ENOX2: variants seen among roughly 807,000 people sequenced by gnomAD.
The protein encoded by ENOX2 is ecto-NOX disulfide-thiol exchanger 2, also known as APK1 antigen.
Under a neutral mutation model 45.0 loss-of-function variants are expected in ENOX2, and 36 were observed. The observed-to-expected ratio is 0.80, with a 90% CI of 0.61 to 1.06. The LOEUF is 1.06. Ranked by LOEUF, ENOX2 falls within the 50% of genes least tolerant of loss-of-function variation. The pLI, the probability that ENOX2 is intolerant of heterozygous loss-of-function variation, is 0.00. For synonymous variants in ENOX2, 174 were observed against 152.3 expected (o/e 1.14, Z -1.05); for missense variants, 423 against 462.5 (o/e 0.91, Z 0.78).
Position 130,623,846 on chromosome X carries a change from G to A in ENOX2, c.*1468C>T, listed in dbSNP as rs946051225. The A allele has an allele frequency of 8.9e-6, 1 of 111,823 alleles. No homozygotes were observed. Among genetic ancestry groups the A allele is most frequent in the Non-Finnish European group, 1.9e-5 (1 of 53,189 alleles). 9.2% of individuals were successfully genotyped at this position (111,823 alleles called of 1,213,427 possible). On this transcript the variant is annotated 3_prime_UTR_variant, in exon 15 of 15. Transcript: ENST00000394363. ...CTAGTAACCCAAAGGAAGGAACTGA[G>A]ATAACTACTAATGGATTACTTAGAG... is the stretch of plus-strand genomic sequence containing the variant.
intron 3 of ENOX2, among the ~76,000 whole-genome samples, chrX:130,745,534 T>A (rs956907974): frequency 3.6e-5 from 4 of 112,127 alleles, no homozygotes; most frequent in African/African-American, 1.3e-4. Context: ...ATCAGAACAA[T>A]GTGTTTGAAG....
chrX:130,669,783 T>A (rs1294681205), intron 7 of ENOX2, among the ~76,000 whole-genome samples, 182 bp downstream of exon 7: 1 of 112,046 alleles, frequency 8.9e-6, no homozygotes, highest in African/African-American at 3.2e-5. Flanking sequence ...GTAGTAGGGA[T>A]AAATTTCCTG....
chrX:130,708,308 G>C (rs912321717), intron 3 of ENOX2, among the ~76,000 whole-genome samples: 2 of 111,561 alleles, frequency 1.8e-5, no homozygotes, highest in African/African-American at 6.5e-5. Flanking sequence ...CCAGCCCTCG[G>C]GGGGTTCAAA....
intron 2 of ENOX2, among the ~76,000 whole-genome samples, chrX:130,806,489 A>AT (rs2077302743): frequency 8.9e-6 from 1 of 112,546 alleles, no homozygotes; most frequent in Non-Finnish European, 1.9e-5. Flanking sequence ...ACAATGCATC[A>AT]TAAGAATTTA....
At chrX:130,653,869 G>A (rs1481226506) in intron 10 of ENOX2, among the ~76,000 whole-genome samples, 1 of 111,941 alleles carries the variant, frequency 8.9e-6, no homozygotes, top group African/African-American at 3.2e-5. Context: ...CAATGAAGGA[G>A]AATTAGTCTA....
At chrX:130,696,960 G>A (rs1001392842) in intron 4 of ENOX2, among the ~76,000 whole-genome samples, 1 of 111,072 alleles carries the variant, frequency 9.0e-6, no homozygotes, top group African/African-American at 3.3e-5. Flanking sequence ...TTCCCTACCT[G>A]GTCTTTGTCT....
chrX:130,736,376 T>A (rs1166775073), intron 3 of ENOX2, among the ~76,000 whole-genome samples: 1 of 110,885 alleles, frequency 9.0e-6, no homozygotes, highest in Non-Finnish European at 1.9e-5. Flanking sequence ...AAAAATGCTA[T>A]GGGATTGTGG....
chrX:130,875,843 C>A (rs1002470108), intron 2 of ENOX2, among the ~76,000 whole-genome samples: 5 of 111,689 alleles, frequency 4.5e-5, no homozygotes. Context: ...ATGATATAAT[C>A]ATAAAAGTGA....
rs12388740 is a variant in ENOX2 at position 130,654,571 on chromosome X, C to T, written c.1129+2010G>A. 9.3e-3 allele frequency among the ~76,000 whole-genome samples: 1,037 copies of T among 111,785 alleles called. 12 individuals carry two copies. The highest frequency in any genetic ancestry group is 0.03 in the African/African-American group (919 of 30,834). ...GACCTTTTCACTGGCTCACAATGAG[C>T]GGGATTTCTGCAGTTGAGTACTACA... On this transcript the variant is annotated intron_variant, in intron 10 of 14. Transcript: ENST00000394363.
Position 130,844,314 on chromosome X carries a change from C to T in ENOX2, c.-183+57370G>A, listed in dbSNP as rs2078061852. ...CCCCTTGCCTGTCATCCAGATGGCA[C>T]TGTGATGATCTGGTTGAGGCATTTG... On this transcript the variant is annotated intron_variant, in intron 2 of 14. Coordinates refer to ENST00000394363, the MANE Select transcript of ENOX2 (RefSeq NM_006375.4). Among the ~76,000 whole-genome samples the T allele has an allele frequency of 5.4e-5, 6 of 111,720 alleles. No individual in the cohort carries two copies. In the Admixed American group the frequency reaches 5.7e-4, roughly 11 times the overall value.
chrX:130,682,583 C>CAAAAAAAAAAAAAAAAAAAAA (rs55875735), intron 5 of ENOX2, among the ~76,000 whole-genome samples: 1 of 14,659 alleles, frequency 6.8e-5, no homozygotes, highest in African/African-American at 2.0e-4. Context: ...GACTCCGTCT[C>CAAAAAAAAAAAAAAAAAAAAA]AAAAAAAAAA....
chrX:130,819,884 G>GA lies in ENOX2; in HGVS notation c.-182-36195dup, dbSNP rs776906381. ...AATTAAAAAAGAAAAACAAAACAAA[G>GA]AAAAAAGGCACCATGACATTGGTCT... On this transcript the variant is annotated intron_variant, in intron 2 of 14. Transcript: ENST00000394363. Among the ~76,000 whole-genome samples, 6 of 111,328 alleles carry GA rather than the reference G, an allele frequency of 5.4e-5. No individual in the cohort carries two copies. In the South Asian group the frequency reaches 2.3e-3, roughly 43 times the overall value.
At chrX:130,897,806 T>C (rs778371716) in intron 2 of ENOX2, among the ~76,000 whole-genome samples, 1 of 111,653 alleles carries the variant, frequency 9.0e-6, no homozygotes, top group East Asian at 2.8e-4. Context: ...TGGACAGCCT[T>C]TGAACTATTT....
At chrX:130,821,595 G>A (rs1351820963) in intron 2 of ENOX2, among the ~76,000 whole-genome samples, 1 of 85,306 alleles carries the variant, frequency 1.2e-5, no homozygotes, top group East Asian at 3.7e-4. Context: ...AATGCTAGAT[G>A]ACGAGTTAGT....
chrX:130,757,751 T>G (rs1306127873), intron 3 of ENOX2, among the ~76,000 whole-genome samples: 1 of 110,598 alleles, frequency 9.0e-6, no homozygotes, highest in Non-Finnish European at 1.9e-5. Flanking sequence ...TTTTTTTTTG[T>G]AAGACAGGGT....
At chrX:130,691,988 T>C (rs1300208900) in intron 4 of ENOX2, among the ~76,000 whole-genome samples, 2 of 113,453 alleles carry the variant, frequency 1.8e-5, no homozygotes, top group African/African-American at 6.4e-5. Context: ...AACGTATTCA[T>C]TGCATATGGC....
intron 2 of ENOX2, among the ~76,000 whole-genome samples, chrX:130,860,164 C>T (rs1464491357): frequency 1.8e-5 from 2 of 110,963 alleles, no homozygotes; most frequent in East Asian, 2.8e-4. Flanking sequence ...GCCATGTTGG[C>T]CAGGCTGCTC....
intron 3 of ENOX2, among the ~76,000 whole-genome samples, chrX:130,779,780 G>A (rs1440087394): frequency 1.8e-5 from 2 of 112,028 alleles, no homozygotes; most frequent in Non-Finnish European, 3.8e-5. Context: ...TGCTAAGAGA[G>A]TTGGGGCCCT....
At position 130,625,427 on chromosome X, in the gene ENOX2, C is replaced by T; in HGVS notation, c.1633G>A (p.Glu545Lys). The T allele has an allele frequency of 8.3e-7, 1 of 1,209,529 alleles. No homozygotes were observed. Residue 545 changes from glutamate to lysine, a missense_variant, in exon 15 of 15, where the codon GAG becomes AAG. Coordinates refer to ENST00000394363, the MANE Select transcript of ENOX2 (RefSeq NM_006375.4). ...LDNKICTSDVECLMGRLQHTF... is the reference protein window; with the variant it reads ...LDNKICTSDVKCLMGRLQHTF... ...TGCTGGAGTCTACCCATGAGACACT[C>T]CACATCGCTGGTGCAGATCTGTGGG...
Sources: allele counts gnomAD v4.1 joint callset (sites outside exome capture counted in the v4.1 genomes callset), GRCh38; gene constraint gnomAD v4.1.1; transcripts MANE v1.5; gene names NCBI Gene and HGNC (gene_info 2026-07-23, HGNC 2026-07-21).